Variants in PHACTR2 observed in about 807,000 individuals in gnomAD.
PHACTR2 encodes the protein chromosome 6 open reading frame 56.
PHACTR2 carries 30 observed loss-of-function variants against 76.0 expected under a neutral mutation model. The observed-to-expected ratio is 0.39, with a 90% confidence interval of 0.30 to 0.54. The LOEUF (loss-of-function observed/expected upper bound fraction) is 0.54, where lower values mean the gene tolerates loss of function less well. Among genes scored for constraint, PHACTR2 ranks in the 20% least tolerant of loss-of-function variants. The pLI, the probability that PHACTR2 is intolerant of heterozygous loss-of-function variation, is 0.61. For missense variants in PHACTR2, 696 were observed against 781.1 expected, an observed-to-expected ratio of 0.89 and a Z score of 1.30; for synonymous variants, 292 against 292.5, an observed-to-expected ratio of 1.00 and a Z score of 0.02.
intron 1 of PHACTR2, among the ~76,000 whole-genome samples, chr6:143,560,283 A>G (rs770772098): frequency 6.6e-6 from 1 of 152,262 alleles, no homozygotes; most frequent in African/African-American, 2.4e-5. Flanking sequence ...CTGTCTTTAC[A>G]AACAGAGCCC....
Position 143,827,741 on chromosome 6 carries a change from C to A in PHACTR2, c.*4052C>A, listed in dbSNP as rs1385853433. On this transcript the variant is annotated 3_prime_UTR_variant, in exon 13 of 13. Transcript: ENST00000440869. Reference sequence around the variant, plus strand: ...TATTTACAGAATTGTCCCTTGACCTCTTGAAATGGCTAGATCTTTCACTAC... The same window carrying A: ...TATTTACAGAATTGTCCCTTGACCTATTGAAATGGCTAGATCTTTCACTAC... 1.3e-5 allele frequency: 2 copies of A among 152,188 alleles called. No individual in the cohort carries two copies. Among genetic ancestry groups the A allele is most frequent in the African/African-American group, 4.8e-5 (2 of 41,444 alleles). 9.4% of individuals were successfully genotyped at this position (152,188 alleles called of 1,614,324 possible).
intron 1 of PHACTR2, among the ~76,000 whole-genome samples, chr6:143,642,490 T>G (rs1776583999): frequency 6.6e-6 from 1 of 152,174 alleles, no homozygotes; most frequent in African/African-American, 2.4e-5. Context: ...GGGCATGGCT[T>G]GTTTGATTGT....
At chr6:143,699,349 T>A (rs931170083) in intron 1 of PHACTR2, among the ~76,000 whole-genome samples, 2 of 152,160 alleles carry the variant, frequency 1.3e-5, no homozygotes, top group African/African-American at 4.8e-5. Context: ...TTGAGTGTCC[T>A]TCACACTTTA....
At chr6:143,645,289 T>TATATATATGA (rs1166230486) in intron 1 of PHACTR2, among the ~76,000 whole-genome samples, 5 of 151,336 alleles carry the variant, frequency 3.3e-5, no homozygotes, top group African/African-American at 7.3e-5. Context: ...CTGTAATATA[T>TATATATATGA]ATATATATGA....
chr6:143,742,750 C>T lies in PHACTR2; in HGVS notation c.215-6235C>T, dbSNP rs1778973274. Among the ~76,000 whole-genome samples the T allele has an allele frequency of 2.0e-5, 3 of 152,176 alleles. No homozygotes were observed. In the South Asian group the frequency reaches 6.2e-4, roughly 31 times the overall value. On this transcript the variant is annotated intron_variant, in intron 2 of 12. Transcript: ENST00000440869. The surrounding 1 kb of genome is among the most constrained non-coding windows in gnomAD (Gnocchi z 4.5). Reference sequence around the variant, plus strand: ...CTTCCCCCCAAAAAGACACTTAGGTCCCCAATATCTACTCTGTGCGATATA... The same window carrying T: ...CTTCCCCCCAAAAAGACACTTAGGTTCCCAATATCTACTCTGTGCGATATA...
At chr6:143,727,625 T>C in intron 2 of PHACTR2, among the ~76,000 whole-genome samples, 1 of 121,180 alleles carries the variant, frequency 8.3e-6, no homozygotes, top group Admixed American at 7.4e-5. Context: ...CCAACATCTG[T>C]CATTTTTTGT....
At chr6:143,719,495 A>G (rs1026264006) in intron 2 of PHACTR2, among the ~76,000 whole-genome samples, 3 of 149,592 alleles carry the variant, frequency 2.0e-5, no homozygotes, top group African/African-American at 4.9e-5. Flanking sequence ...GATTATAGGC[A>G]TGCACCACCA....
At chr6:143,721,312 T>G (rs763555805) in intron 2 of PHACTR2, among the ~76,000 whole-genome samples, 1 of 152,244 alleles carries the variant, frequency 6.6e-6, no homozygotes, top group Non-Finnish European at 1.5e-5. Context: ...CCCAAACTAA[T>G]TTACAAAATT....
chr6:143,551,167 C>G (rs1265779035), intron 1 of PHACTR2, among the ~76,000 whole-genome samples: 2 of 152,024 alleles, frequency 1.3e-5, no homozygotes, highest in Admixed American at 6.6e-5. Context: ...GATGGATATA[C>G]AGCAGTCCCC....
intron 10 of PHACTR2, among the ~76,000 whole-genome samples, chr6:143,785,957 G>T (rs1007398208): frequency 6.6e-6 from 1 of 152,194 alleles, no homozygotes; most frequent in African/African-American, 2.4e-5. Context: ...TGTCATGAAG[G>T]TCTCTGACAT....
intron 1 of PHACTR2, among the ~76,000 whole-genome samples, chr6:143,706,394 AT>A (rs1327478096): frequency 6.6e-6 from 1 of 152,216 alleles, no homozygotes; most frequent in Non-Finnish European, 1.5e-5. Context: ...ACCCATGCAT[AT>A]ATACATGTCT....
chr6:143,783,519 T>C lies in PHACTR2; in HGVS notation c.1707+239T>C, dbSNP rs1775480524. On this transcript the variant is annotated intron_variant, in intron 10 of 12. Transcript: ENST00000440869. The surrounding 1 kb of genome is among the most constrained non-coding windows in gnomAD (Gnocchi z 5.2). ...CTGTAGTTCCAGCTACTCAGGAGGC[T>C]GAGGTGGGAAGATTGCTTCAGCCTG... is the stretch of plus-strand genomic sequence containing the variant. 6.6e-6 allele frequency among the ~76,000 whole-genome samples: 1 copy of C among 152,108 alleles called. No homozygotes were observed. Among genetic ancestry groups the C allele is most frequent in the Non-Finnish European group, 1.5e-5 (1 of 68,018 alleles).
Position 143,806,251 on chromosome 6 carries a change from T to G in PHACTR2, c.1846-806T>G, listed in dbSNP as rs1415869540. On this transcript the variant is annotated intron_variant, in intron 11 of 12. Transcript: ENST00000440869. The surrounding 1 kb of genome is among the most constrained non-coding windows in gnomAD (Gnocchi z 5.8). ...AATACCAAAAATTACGTGACACGGA[T>G]TATGTGTTCTTTAAATAGCAATGCA... Among the ~76,000 whole-genome samples the G allele has an allele frequency of 3.9e-5, 6 of 152,278 alleles. No individual in the cohort carries two copies. The highest frequency in any genetic ancestry group is 1.4e-4 in the African/African-American group (6 of 41,572).
chr6:143,547,471 A>G lies in PHACTR2; in HGVS notation c.217+10264A>G, dbSNP rs1053886903. On this transcript the variant is annotated intron_variant, in intron 1 of 11. Coordinates refer to the PHACTR2 transcript ENST00000367584. The surrounding 1 kb of genome is among the most constrained non-coding windows in gnomAD (Gnocchi z 4.2). Reference sequence around the variant, plus strand: ...GCGTACCTCCAAAATATATAACCACACAAGGTCATATGTGCTAACCAAGCA... The same window carrying G: ...GCGTACCTCCAAAATATATAACCACGCAAGGTCATATGTGCTAACCAAGCA... Among the ~76,000 whole-genome samples, 1 of 152,202 alleles carries G rather than the reference A, an allele frequency of 6.6e-6. No homozygotes were observed. The highest frequency in any genetic ancestry group is 1.5e-5 in the Non-Finnish European group (1 of 68,034).
rs1776807885 is a variant in PHACTR2 at position 143,654,167 on chromosome 6, A to G, written c.13+45845A>G. On this transcript the variant is annotated intron_variant, in intron 1 of 11. Transcript: ENST00000305766. The surrounding 1 kb of genome is among the most constrained non-coding windows in gnomAD (Gnocchi z 4.6). ...AATCAAAACCACAAGAGACCACTTT[A>G]TACCCATGGGAATGTCTATAATCAG... Among the ~76,000 whole-genome samples the G allele has an allele frequency of 2.0e-5, 3 of 152,224 alleles. No homozygotes were observed. The highest frequency in any genetic ancestry group is 1.3e-4 in the Admixed American group (2 of 15,280).
Position 143,731,520 on chromosome 6 carries a change from C to A in PHACTR2, c.215-17465C>A, listed in dbSNP as rs779757274. Among the ~76,000 whole-genome samples, 1 of 152,192 alleles carries A rather than the reference C, an allele frequency of 6.6e-6. No homozygotes were observed. The highest frequency in any genetic ancestry group is 6.5e-5 in the Admixed American group (1 of 15,280). On this transcript the variant is annotated intron_variant, in intron 2 of 12. Transcript: ENST00000440869. This position sits in a 1 kb window ranked among gnomAD's most constrained non-coding sequence, Gnocchi z 4.9. ...CAGGCTGGTCTCGAACTCTGGACCT[C>A]AGGTGATCTGCCCGCCTCGGCCTCC...
rs9376789 is a variant in PHACTR2, at chr6:143,806,882, A to T, written c.1846-175A>T. ...TGAGTTGGGAGGATCACTTGAGCCCAGGAGTTTGAGGCTGCAATGAGCCAT... is the reference window on the plus strand; with the variant it reads ...TGAGTTGGGAGGATCACTTGAGCCCTGGAGTTTGAGGCTGCAATGAGCCAT... On this transcript the variant is annotated intron_variant, in intron 11 of 12. Coordinates refer to ENST00000440869, the MANE Select transcript of PHACTR2 (RefSeq NM_001100164.2). The surrounding 1 kb of genome is among the most constrained non-coding windows in gnomAD (Gnocchi z 5.8). Among the ~76,000 whole-genome samples the T allele has an allele frequency of 0.28, 42,669 of 151,576 alleles. 6,329 individuals are homozygous for T. Among genetic ancestry groups the T allele is most frequent in the South Asian group, 0.39 (1,866 of 4,790 alleles).
At position 143,598,900 on chromosome 6, in the gene PHACTR2, T is replaced by G. The variant is rs1274993058; in HGVS notation, c.217+61693T>G. On this transcript the variant is annotated intron_variant, in intron 1 of 11. Coordinates refer to the PHACTR2 transcript ENST00000367584. This position sits in a 1 kb window ranked among gnomAD's most constrained non-coding sequence, Gnocchi z 4.1. ...TTAAATGGCTGGCATTGATGCTTTC[T>G]GTTATCTGTTCCAGGTTTAGTGGCG... is the stretch of plus-strand genomic sequence containing the variant. 6.6e-6 allele frequency among the ~76,000 whole-genome samples: 1 copy of G among 152,230 alleles called. No individual in the cohort carries two copies. The highest frequency in any genetic ancestry group is 6.5e-5 in the Admixed American group (1 of 15,282).
intron 1 of PHACTR2, among the ~76,000 whole-genome samples, chr6:143,622,113 G>A (rs566353251): frequency 1.3e-4 from 20 of 152,222 alleles, no homozygotes; most frequent in African/African-American, 4.6e-4. Flanking sequence ...ACATTTATTC[G>A]GGCCGAGTTG....
Sources: allele counts gnomAD v4.1 joint callset (sites outside exome capture counted in the v4.1 genomes callset), GRCh38; gene constraint gnomAD v4.1.1; non-coding constraint Gnocchi (gnomAD v3.1); transcripts MANE v1.5; gene names NCBI Gene and HGNC (gene_info 2026-07-23, HGNC 2026-07-21).